The following FANCC variants were observed in gnomAD, a reference collection of about 807,000 sequenced individuals.
FANCC encodes the protein Fanconi anemia group C protein.
Under a neutral mutation model 71.3 loss-of-function variants are expected in FANCC, and 55 were observed. That is an observed-to-expected ratio of 0.77 (90% confidence interval 0.62 to 0.97). FANCC has a LOEUF of 0.97. FANCC is among the 50% of genes least tolerant of loss of function. FANCC has a pLI of 0.00. For missense variants in FANCC, 678 were observed against 670.9 expected (o/e 1.01, Z -0.12); for synonymous variants, 275 against 244.9 (o/e 1.12, Z -1.15).
At chr9:95,110,804 GC>G in intron 13 of FANCC, 4 of 1,128,156 alleles carry the variant, frequency 3.5e-6, no homozygotes, top group Non-Finnish European at 4.4e-6. Context: ...AGGTGCCAAT[GC>G]CTTTAATCAA....
chr9:95,179,128 T>C (rs181742907), intron 4 of FANCC, among the ~76,000 whole-genome samples: 35 of 152,346 alleles, frequency 2.3e-4, no homozygotes, highest in African/African-American at 7.9e-4. Flanking sequence ...AGATAGCATA[T>C]TGCACATGTG....
At chr9:95,240,855 G>T (rs1248054748) in intron 3 of FANCC, 112 bp from the exon 4 acceptor site, 1 of 701,858 alleles carries the variant, frequency 1.4e-6, no homozygotes, top group Non-Finnish European at 2.6e-6. Flanking sequence ...CACAGAACAA[G>T]TATCCCTGAA....
intron 7 of FANCC, among the ~76,000 whole-genome samples, chr9:95,148,641 T>C (rs1310781960): frequency 6.6e-6 from 1 of 152,218 alleles, no homozygotes; most frequent in Non-Finnish European, 1.5e-5. Flanking sequence ...ATATGAAATA[T>C]GTCAATGTTT....
intron 13 of FANCC, 61 bp from the exon 14 acceptor site, chr9:95,107,330 GATTT>G (rs2071526862): frequency 6.5e-7 from 1 of 1,543,344 alleles, no homozygotes. Context: ...ATACTTCTAG[GATTT>G]ATTTATTTGC....
rs1461258854 is a variant in FANCC, at chr9:95,117,404, G to T, written c.997-14C>A. 2 of 1,610,552 alleles carry T rather than the reference G, an allele frequency of 1.2e-6. No homozygotes were observed. Among genetic ancestry groups the T allele is most frequent in the East Asian group, 4.5e-5 (2 of 44,872 alleles). ...TGCAAACCGCAGCTGCCACAGGATGGAAAATCCAAAGAGCATGAACATTAA... is the reference window on the plus strand; with the variant it reads ...TGCAAACCGCAGCTGCCACAGGATGTAAAATCCAAAGAGCATGAACATTAA... On this transcript the variant is annotated splice_polypyrimidine_tract_variant and intron_variant, in intron 10 of 14. Transcript: ENST00000289081.
At chr9:95,186,498 T>C (rs1356048636) in intron 4 of FANCC, 1 of 152,218 alleles carries the variant, frequency 6.6e-6, no homozygotes, top group Admixed American at 6.5e-5. Context: ...GAGTTTGGAT[T>C]ACCGTTTTTG....
intron 3 of FANCC, among the ~76,000 whole-genome samples, chr9:95,245,320 G>A (rs1258190515): frequency 6.6e-6 from 1 of 152,032 alleles, no homozygotes; most frequent in Non-Finnish European, 1.5e-5. Context: ...GAACAGCATA[G>A]TGAACATGGA....
At chr9:95,283,222 C>T (rs1302723703) in intron 1 of FANCC, among the ~76,000 whole-genome samples, 1 of 152,204 alleles carries the variant, frequency 6.6e-6, no homozygotes, top group African/African-American at 2.4e-5. Context: ...GCTGGGACTA[C>T]AGGTGCATGT....
intron 6 of FANCC, among the ~76,000 whole-genome samples, chr9:95,168,898 G>T (rs1825481112): frequency 6.6e-6 from 1 of 152,170 alleles, no homozygotes; most frequent in African/African-American, 2.4e-5. Context: ...TCTGGAACAT[G>T]AATCATCCCT....
intron 1 of FANCC, among the ~76,000 whole-genome samples, chr9:95,264,256 C>T (rs918573400): frequency 6.6e-6 from 1 of 152,140 alleles, no homozygotes; most frequent in Non-Finnish European, 1.5e-5. Flanking sequence ...CAAACTCACA[C>T]AATACTTGGC....
intron 8 of FANCC, among the ~76,000 whole-genome samples, chr9:95,131,453 C>G (rs1038778790): frequency 2.0e-5 from 3 of 152,200 alleles, no homozygotes; most frequent in Non-Finnish European, 4.4e-5. Context: ...GGTCTGCATC[C>G]CCAACTGCAA....
chr9:95,155,931 G>A (rs1423614730), intron 6 of FANCC, among the ~76,000 whole-genome samples: 3 of 139,114 alleles, frequency 2.2e-5, no homozygotes, highest in Non-Finnish European at 4.6e-5. Context: ...TCTCCATGTT[G>A]CCCAGGCTGG....
intron 4 of FANCC, among the ~76,000 whole-genome samples, chr9:95,186,105 C>T (rs758613748): frequency 1.3e-5 from 2 of 152,168 alleles, no homozygotes; most frequent in Non-Finnish European, 2.9e-5. Context: ...CACACCTCTG[C>T]CTCTCAAGTA....
At chr9:95,248,823 G>A (rs1460893850) in intron 2 of FANCC, among the ~76,000 whole-genome samples, 1 of 151,866 alleles carries the variant, frequency 6.6e-6, no homozygotes, top group Admixed American at 6.6e-5. Flanking sequence ...AAGATTCAAG[G>A]GACACAAAGG....
At chr9:95,106,749 C>T (rs1257433989) in intron 14 of FANCC, among the ~76,000 whole-genome samples, 2 of 152,204 alleles carry the variant, frequency 1.3e-5, no homozygotes, top group Non-Finnish European at 2.9e-5. Context: ...AGGAGGAGAG[C>T]AGCACACTGC....
At chr9:95,253,066 A>T (rs887031632) in intron 1 of FANCC, among the ~76,000 whole-genome samples, 3 of 152,086 alleles carry the variant, frequency 2.0e-5, no homozygotes, top group African/African-American at 7.2e-5. Context: ...CTGTCTAAAA[A>T]AGAAAAAAAG....
rs568691498 is a variant in FANCC at position 95,185,926 on chromosome 9, C to A, written c.346-13779G>T. Among the ~76,000 whole-genome samples, 14 of 152,342 alleles carry A rather than the reference C, an allele frequency of 9.2e-5. 1 individual carries two copies. Among genetic ancestry groups the A allele is most frequent in the Admixed American group, 3.9e-4 (6 of 15,302 alleles). Reference sequence around the variant, plus strand: ...TATAAAAGTATTGCTAATTTCAAGTCAGAGAAGAAGCCAAGTCTAATTAAT... The same window carrying A: ...TATAAAAGTATTGCTAATTTCAAGTAAGAGAAGAAGCCAAGTCTAATTAAT... On this transcript the variant is annotated intron_variant, in intron 4 of 14. Transcript: ENST00000289081.
chr9:95,194,457 T>A (rs1827291756), intron 4 of FANCC, among the ~76,000 whole-genome samples: 1 of 152,192 alleles, frequency 6.6e-6, no homozygotes, highest in Admixed American at 6.5e-5. Flanking sequence ...ACAGCCATGT[T>A]CCTACCAAAA....
intron 4 of FANCC, among the ~76,000 whole-genome samples, chr9:95,199,921 T>C (rs965489533): frequency 6.6e-5 from 10 of 152,334 alleles, no homozygotes; most frequent in African/African-American, 2.4e-4. Flanking sequence ...CTTTGTTTCT[T>C]AATAAACACT....
Sources: gnomAD v4.1 joint callset for allele counts (sites outside exome capture counted in the v4.1 genomes callset) on GRCh38, gnomAD v4.1.1 for gene constraint, MANE v1.5 for transcripts, NCBI Gene and HGNC (gene_info 2026-07-23, HGNC 2026-07-21) for gene names.